Variants in PTK7 observed in about 807,000 individuals in gnomAD.
The protein encoded by PTK7 is protein tyrosine kinase 7 (inactive), also known as inactive tyrosine-protein kinase 7.
A neutral mutation model predicts 116.6 loss-of-function variants in PTK7; 39 were observed. That is an observed-to-expected ratio of 0.33 (90% CI 0.26 to 0.44). PTK7 has a LOEUF of 0.44. Among genes scored for constraint, PTK7 ranks in the 20% least tolerant of loss-of-function variants. PTK7 has a pLI of 1.00. For synonymous variants in PTK7, 546 were observed against 563.6 expected (o/e 0.97, Z 0.44); for missense variants, 1,169 against 1,425.6 (o/e 0.82, Z 2.90).
chr6:43,156,448 AC>A (rs1771438798), intron 17 of PTK7, among the ~76,000 whole-genome samples: 1 of 151,940 alleles, frequency 6.6e-6, no homozygotes, highest in Non-Finnish European at 1.5e-5. Flanking sequence ...ACAAAAAAAT[AC>A]AAAAATAAAA....
intron 1 of PTK7, among the ~76,000 whole-genome samples, chr6:43,113,085 G>A (rs1250494561): frequency 6.6e-6 from 1 of 152,106 alleles, no homozygotes; most frequent in African/African-American, 2.4e-5. Flanking sequence ...CTCCCAAAGT[G>A]CTCTTCTTTG....
At chr6:43,082,510 C>G (rs1345799756) in intron 1 of PTK7, among the ~76,000 whole-genome samples, 2 of 152,088 alleles carry the variant, frequency 1.3e-5, no homozygotes, top group Non-Finnish European at 2.9e-5. Context: ...TCAGGTGACT[C>G]TGTACCCCAG....
chr6:43,084,715 T>C (rs1281348252), intron 1 of PTK7, among the ~76,000 whole-genome samples: 1 of 152,010 alleles, frequency 6.6e-6, no homozygotes, highest in African/African-American at 2.4e-5. Context: ...CACCATTTGG[T>C]AAAGTGCTAA....
rs375598506 is a variant in PTK7, at chr6:43,143,429, C to A, written c.2060C>A (p.Pro687Gln). 3.1e-6 allele frequency: 5 copies of A among 1,613,848 alleles called. No homozygotes were observed. Among genetic ancestry groups the A allele is most frequent in the Non-Finnish European group, 3.4e-6 (4 of 1,179,974 alleles). The change falls in exon 14 of 20, where the codon CCG becomes CAG. Residue 687 changes from proline (P) to glutamine (Q), a missense_variant. By Grantham distance (76) the Pro-to-Gln change is moderately conservative (BLOSUM62 -1). This residue lies in a region of PTK7 where 678 missense variants were observed against 853.8 expected (regional missense o/e 0.79). Transcript: ENST00000230419. This position sits in a 1 kb window ranked among gnomAD's most constrained non-coding sequence, Gnocchi z 4.2. ...GTGTGTCTCTCAGACAAGCCTGTGC[C>A]GGAGGAGTCGGAGGGCCCTGGCAGC... ...APLYVVDKPV[P>Q]EESEGPGSPP...
chr6:43,144,309 C>T (rs1253083555), intron 14 of PTK7, 142 bp from the exon 15 acceptor site: 2 of 942,862 alleles, frequency 2.1e-6, no homozygotes, highest in East Asian at 5.1e-5. Context: ...ATTATTTCAT[C>T]ATTTGGGCTT....
At chr6:43,078,001 G>A (rs1743595438) in intron 1 of PTK7, among the ~76,000 whole-genome samples, 1 of 152,196 alleles carries the variant, frequency 6.6e-6, no homozygotes, top group South Asian at 2.1e-4. Flanking sequence ...TTTTTGCACA[G>A]CCAGGATGGG....
intron 17 of PTK7, among the ~76,000 whole-genome samples, chr6:43,152,922 A>G (rs916412849): frequency 6.6e-6 from 1 of 151,630 alleles, no homozygotes; most frequent in Non-Finnish European, 1.5e-5. Flanking sequence ...AGTAGCTGGG[A>G]TTACAGGTGC....
At chr6:43,134,950 A>G (rs1769938988) in intron 7 of PTK7, among the ~76,000 whole-genome samples, 2 of 152,084 alleles carry the variant, frequency 1.3e-5, no homozygotes, top group African/African-American at 4.8e-5. Flanking sequence ...CCTGTCTCCA[A>G]AAAAATGTCT....
rs1351657495 is a variant in PTK7 at position 43,099,985 on chromosome 6, T to A, written c.79+23418T>A. 3.3e-5 allele frequency among the ~76,000 whole-genome samples: 5 copies of A among 152,258 alleles called. No homozygotes were observed. In the South Asian group the frequency reaches 8.3e-4, roughly 25 times the overall value. ...GCCTCAGCCTCCCAGGTGTCTGGGA[T>A]TACAGGCATGTGCCACCACGCTTGG... On this transcript the variant is annotated intron_variant, in intron 1 of 19. Transcript: ENST00000230419.
At chr6:43,116,785 A>G (rs1288125552) in intron 1 of PTK7, among the ~76,000 whole-genome samples, 6 of 152,078 alleles carry the variant, frequency 3.9e-5, no homozygotes. Flanking sequence ...CATGCAGAGG[A>G]GAGGCTGTAG....
At chr6:43,125,655 C>T (rs1170421549) in intron 1 of PTK7, among the ~76,000 whole-genome samples, 7 of 152,138 alleles carry the variant, frequency 4.6e-5, no homozygotes, top group Non-Finnish European at 1.0e-4. Flanking sequence ...GAAGTTGAGT[C>T]CTTGAGCAGG....
chr6:43,136,295 A>G (rs1226371228), intron 7 of PTK7, among the ~76,000 whole-genome samples: 1 of 151,578 alleles, frequency 6.6e-6, no homozygotes, highest in Non-Finnish European at 1.5e-5. Flanking sequence ...AGATCGCGCC[A>G]CTGCACTCCA....
In PTK7 at chr6:43,082,998, T is replaced by A. The variant is rs369128560; in HGVS notation, c.79+6431T>A. ...CTTTGGAGCATTTCATATTCTGGAG[T>A]GAGGGGGTTTGTGTGAGTCTGTGTT... On this transcript the variant is annotated intron_variant, in intron 1 of 19. Transcript: ENST00000230419. 3.3e-5 allele frequency among the ~76,000 whole-genome samples: 5 copies of A among 151,836 alleles called. No homozygotes were observed. In the East Asian group the frequency reaches 7.7e-4, roughly 23 times the overall value.
chr6:43,122,122 G>A (rs1167205746), intron 1 of PTK7, among the ~76,000 whole-genome samples: 6 of 152,150 alleles, frequency 3.9e-5, no homozygotes, highest in Non-Finnish European at 2.9e-5. Flanking sequence ...AGTGTGGGGC[G>A]ACAGAATGAG....
intron 7 of PTK7, among the ~76,000 whole-genome samples, chr6:43,135,093 C>T (rs1395457246): frequency 6.6e-6 from 1 of 152,172 alleles, no homozygotes; most frequent in Non-Finnish European, 1.5e-5. Flanking sequence ...GGTGATACTT[C>T]ATGTGTGTTC....
At chr6:43,096,484 C>G (rs1313769476) in intron 1 of PTK7, among the ~76,000 whole-genome samples, 1 of 152,134 alleles carries the variant, frequency 6.6e-6, no homozygotes, top group Non-Finnish European at 1.5e-5. Flanking sequence ...CCGGACAAGC[C>G]TTTGAGGTGC....
chr6:43,156,812 C>T lies in PTK7; in HGVS notation c.2722-2005C>T, dbSNP rs577163390. On this transcript the variant is annotated intron_variant, in intron 17 of 19. Transcript: ENST00000230419. ...TTGGGAGGCTGAGGCAGGAGAATCA[C>T]TTGAACCCAGCGGGGTGGAGTTTGC... is the stretch of plus-strand genomic sequence containing the variant. Among the ~76,000 whole-genome samples, 3 of 152,194 alleles carry T rather than the reference C, an allele frequency of 2.0e-5. No homozygotes were observed. In the South Asian group the frequency reaches 6.2e-4, roughly 32 times the overall value.
In PTK7 at chr6:43,129,136, C is replaced by T. The variant is rs1769487804; in HGVS notation, c.239C>T (p.Ala80Val). 2 of 1,614,196 alleles carry T rather than the reference C, an allele frequency of 1.2e-6. No homozygotes were observed. Among genetic ancestry groups the T allele is most frequent in the Admixed American group, 1.7e-5 (1 of 60,030 alleles). Residue 80 changes from alanine (A) to valine (V), a missense_variant, in exon 2 of 20, where the codon GCC becomes GTC. Physicochemically the swap from Ala to Val is moderately conservative, Grantham distance 64. Transcript: ENST00000230419. This position sits in a 1 kb window ranked among gnomAD's most constrained non-coding sequence, Gnocchi z 4.5. ...GTCCAGGACACGGAGCGGCGTTTCG[C>T]CCAGGGCAGCAGCCTGAGCTTTGCA... ...APVQDTERRF[A>V]QGSSLSFAAV...
In PTK7 at chr6:43,141,883, C is replaced by G. The variant is rs1056684940; in HGVS notation, c.1769-48C>G. 4.4e-6 allele frequency: 7 copies of G among 1,596,000 alleles called. No individual in the cohort carries two copies. The highest frequency in any genetic ancestry group is 6.0e-6 in the Non-Finnish European group (7 of 1,169,108). Reference sequence around the variant, plus strand: ...GGGGTAGCACCGTGTACCCTGCCAGCCCCTTGGCTTACCCCTCCCTGCGCC... The same window carrying G: ...GGGGTAGCACCGTGTACCCTGCCAGGCCCTTGGCTTACCCCTCCCTGCGCC... On this transcript the variant is annotated intron_variant, in intron 11 of 19. Coordinates refer to ENST00000230419, the MANE Select transcript of PTK7 (RefSeq NM_002821.5). The surrounding 1 kb of genome is among the most constrained non-coding windows in gnomAD (Gnocchi z 4.9).
Sources: gnomAD v4.1 joint callset for allele counts (sites outside exome capture counted in the v4.1 genomes callset) on GRCh38, gnomAD v4.1.1 for gene constraint, gnomAD v4.1.1 regional missense constraint, Gnocchi (gnomAD v3.1) non-coding constraint, MANE v1.5 for transcripts, NCBI Gene and HGNC (gene_info 2026-07-23, HGNC 2026-07-21) for gene names.